Variants in ARRB2 observed in about 807,000 individuals in gnomAD.
The protein encoded by ARRB2 is beta-arrestin-2.
Under a neutral mutation model 53.4 loss-of-function variants are expected in ARRB2, and 21 were observed. The observed-to-expected ratio is 0.39, with a 90% CI of 0.28 to 0.57. The LOEUF is 0.57. Among genes scored for constraint, ARRB2 ranks in the 20% least tolerant of loss-of-function variants. The probability of loss-of-function intolerance (pLI) is 0.55; values close to 1 mark genes in which losing one functional copy is unlikely to be tolerated. For missense variants in ARRB2, 369 were observed against 527.5 expected (o/e 0.70, Z 2.94); for synonymous variants, 180 against 212.9 (o/e 0.85, Z 1.34).
chr17:4,712,439 G>T (rs1914502312), intron 1 of ARRB2, among the ~76,000 whole-genome samples: 1 of 152,224 alleles, frequency 6.6e-6, no homozygotes, highest in Non-Finnish European at 1.5e-5. Context: ...TGCTCCAGCT[G>T]TCAGAGCTGG....
chr17:4,712,211 G>A (rs555440521), intron 1 of ARRB2, among the ~76,000 whole-genome samples: 1 of 152,358 alleles, frequency 6.6e-6, no homozygotes, highest in African/African-American at 2.4e-5. Context: ...CAGCTCCCAA[G>A]TTGGGATGAA....
At chr17:4,716,653 G>A in intron 5 of ARRB2, 45 bp downstream of exon 5, 1 of 1,542,698 alleles carries the variant, frequency 6.5e-7, no homozygotes, top group Non-Finnish European at 8.7e-7. Context: ...CTGGGGCTGG[G>A]ACTGTGTCTG....
At chr17:4,719,558 G>A in intron 11 of ARRB2, 138 bp downstream of exon 11, 1 of 1,267,026 alleles carries the variant, frequency 7.9e-7, no homozygotes, top group Non-Finnish European at 1.1e-6. Flanking sequence ...AGGGAGGATA[G>A]CCAAATCTGA....
At chr17:4,715,399 T>C (rs1361107902) in intron 2 of ARRB2, 1 of 338,078 alleles carries the variant, frequency 3.0e-6, no homozygotes, top group African/African-American at 2.1e-5. Context: ...TAGAGCCCCT[T>C]GAGGGGACCT....
At chr17:4,718,126 G>T in intron 8 of ARRB2, 103 bp downstream of exon 8, 1 of 1,571,114 alleles carries the variant, frequency 6.4e-7, no homozygotes. Context: ...GGTTGCCTTG[G>T]CTGGGTGTGG....
At chr17:4,716,076 A>G in intron 3 of ARRB2, 43 bp downstream of exon 3, 1 of 1,614,038 alleles carries the variant, frequency 6.2e-7, no homozygotes, top group South Asian at 1.1e-5. Flanking sequence ...CCAAGAGGGG[A>G]AGAAGTTCCC....
intron 2 of ARRB2, chr17:4,715,517 A>ACACC (rs1212400285): frequency 1.6e-5 from 4 of 243,026 alleles, no homozygotes; most frequent in African/African-American, 2.5e-5. Flanking sequence ...ATACACACAC[A>ACACC]CCTGGCTGGT....
At position 4,718,353 on chromosome 17, in the gene ARRB2, G is replaced by C; in HGVS notation, c.706+8G>C. On this transcript the variant is annotated splice_region_variant and intron_variant, in intron 9 of 14. Coordinates refer to ENST00000269260, the MANE Select transcript of ARRB2 (RefSeq NM_004313.4). ...AGAAGATCAAAGTCTCTGGTAGGAG[G>C]TGGGGTTTGGAAGGGGGTCTTCGGG... 1.1e-5 allele frequency: 17 copies of C among 1,607,526 alleles called. No homozygotes were observed. Among genetic ancestry groups the C allele is most frequent in the Non-Finnish European group, 1.4e-5 (17 of 1,176,496 alleles).
intron 11 of ARRB2, among the ~76,000 whole-genome samples, chr17:4,719,680 C>G (rs1915493340): frequency 6.6e-6 from 1 of 152,018 alleles, no homozygotes; most frequent in African/African-American, 2.4e-5. Context: ...GAGTAAGGAC[C>G]CAGCGGAAGT....
In ARRB2 at chr17:4,718,687, G is replaced by A. The variant is rs1226383478; in HGVS notation, c.779+3G>A. 6.2e-7 allele frequency: 1 copy of A among 1,612,924 alleles called. No individual in the cohort carries two copies. Among genetic ancestry groups the A allele is most frequent in the African/African-American group, 1.3e-5 (1 of 74,984 alleles). On this transcript the variant is annotated splice_donor_region_variant and intron_variant, in intron 10 of 14. Coordinates refer to ENST00000269260, the MANE Select transcript of ARRB2 (RefSeq NM_004313.4). Reference sequence around the variant, plus strand: ...CCTGTGGCTCAACTCGAACAAGAGTGAGTATCGGGAGAGACCCATGTTCCA... The same window carrying A: ...CCTGTGGCTCAACTCGAACAAGAGTAAGTATCGGGAGAGACCCATGTTCCA...
intron 10 of ARRB2, among the ~76,000 whole-genome samples, 195 bp from the exon 11 acceptor site, chr17:4,719,084 CTTAA>C (rs1915404331): frequency 6.6e-6 from 1 of 152,226 alleles, no homozygotes; most frequent in Non-Finnish European, 1.5e-5. Context: ...ACCATCTTCA[CTTAA>C]AAGGGTATTC....
chr17:4,719,559 C>A, intron 11 of ARRB2, 139 bp downstream of exon 11: 1 of 1,255,032 alleles, frequency 8.0e-7, no homozygotes, highest in Non-Finnish European at 1.1e-6. Flanking sequence ...GGGAGGATAG[C>A]CAAATCTGAT....
rs11658505 is a variant in ARRB2, at chr17:4,715,720, C to A, written c.55-253C>A. The A allele has an allele frequency of 3.6e-3, 1,410 of 397,070 alleles. 14 individuals carry two copies. Among genetic ancestry groups the A allele is most frequent in the South Asian group, 0.021 (805 of 38,134 alleles). 24.6% of individuals were successfully genotyped at this position (397,070 alleles called of 1,614,324 possible). ...ACACACACACACACACACACACACA[C>A]ACACAAACACACACACACCGGGCTG... On this transcript the variant is annotated intron_variant, in intron 2 of 14. Coordinates refer to ENST00000269260, the MANE Select transcript of ARRB2 (RefSeq NM_004313.4).
chr17:4,717,019 T>C lies in ARRB2; in HGVS notation c.358-198T>C, dbSNP rs1236777939. The C allele has an allele frequency of 3.2e-6, 2 of 626,222 alleles. No homozygotes were observed. The highest frequency in any genetic ancestry group is 1.8e-5 in the African/African-American group (1 of 54,486). The allele number at this position is 626,222 out of a possible 1,614,324, so 38.8% of individuals were successfully genotyped here. ...ACGACTAATTTTGTATTTTTAGTAGTGATGGGGTTTTGCCACGTTGGTCAG... is the reference window on the plus strand; with the variant it reads ...ACGACTAATTTTGTATTTTTAGTAGCGATGGGGTTTTGCCACGTTGGTCAG... On this transcript the variant is annotated intron_variant, in intron 5 of 14. Coordinates refer to ENST00000269260, the MANE Select transcript of ARRB2 (RefSeq NM_004313.4). This position sits in a 1 kb window ranked among gnomAD's most constrained non-coding sequence, Gnocchi z 6.0.
chr17:4,716,695 C>A, intron 5 of ARRB2, 87 bp downstream of exon 5: 2 of 1,492,232 alleles, frequency 1.3e-6, no homozygotes, highest in South Asian at 1.3e-5. Flanking sequence ...GTGGGCAGAT[C>A]TGGAAGAAAC....
At chr17:4,713,764 T>G (rs1440398756) in intron 1 of ARRB2, among the ~76,000 whole-genome samples, 1 of 148,398 alleles carries the variant, frequency 6.7e-6, no homozygotes, top group Non-Finnish European at 1.5e-5. Context: ...TACTCCAGCC[T>G]TGGTGATAGA....
At chr17:4,714,864 G>C in intron 1 of ARRB2, 149 bp from the exon 2 acceptor site, 1 of 650,572 alleles carries the variant, frequency 1.5e-6, no homozygotes, top group Non-Finnish European at 2.4e-6. Context: ...GGAAGAAGGG[G>C]AAAGGGGCAG....
In ARRB2 at chr17:4,717,826, G is replaced by C. The variant is rs542009374; in HGVS notation, c.486-62G>C. On this transcript the variant is annotated intron_variant, in intron 7 of 14. Coordinates refer to ENST00000269260, the MANE Select transcript of ARRB2 (RefSeq NM_004313.4). The surrounding 1 kb of genome is among the most constrained non-coding windows in gnomAD (Gnocchi z 6.0). ...GCTTCCAGGAGCCCAGGCCCCGTGC[G>C]GGGGAGGAGTAGGGTTGGGGTGTGT... 314 of 1,601,794 alleles carry C rather than the reference G, an allele frequency of 2.0e-4. 2 individuals carry two copies. The East Asian group carries it at 5.1e-3, about 26-fold the overall frequency.
rs556000477 is a variant in ARRB2, at chr17:4,718,189, T to C, written c.622-72T>C. On this transcript the variant is annotated intron_variant, in intron 8 of 14. Transcript: ENST00000269260. ...GGAGGGGGCCAGAACAATGTGTCTG[T>C]GTTTGGGGACACACTGATGATGGGA... The C allele has an allele frequency of 1.6e-5, 24 of 1,547,406 alleles. No homozygotes were observed. The African/African-American group carries it at 2.2e-4, about 14-fold the overall frequency.
Sources: allele counts gnomAD v4.1 joint callset (sites outside exome capture counted in the v4.1 genomes callset), GRCh38; gene constraint gnomAD v4.1.1; non-coding constraint Gnocchi (gnomAD v3.1); transcripts MANE v1.5; gene names NCBI Gene and HGNC (gene_info 2026-07-23, HGNC 2026-07-21).